The following RIMS4 variants were observed in gnomAD, a reference collection of about 807,000 sequenced individuals.
RIMS4 encodes the protein regulating synaptic membrane exocytosis 4, also known as regulating synaptic membrane exocytosis protein 4.
In RIMS4, 9 loss-of-function variants were observed where a neutral mutation model predicts 29.0. That is an observed-to-expected ratio of 0.31 (90% confidence interval 0.19 to 0.54). The LOEUF is 0.54. Ranked by LOEUF, RIMS4 falls within the 20% of genes least tolerant of loss-of-function variation. RIMS4 has a pLI of 0.94. For missense variants in RIMS4, 193 were observed against 365.7 expected (o/e 0.53, Z 3.85); for synonymous variants, 130 against 152.9 (o/e 0.85, Z 1.10).
At chr20:44,771,516 G>T in intron 1 of RIMS4, 103 bp from the exon 2 acceptor site, 1 of 1,327,858 alleles carries the variant, frequency 7.5e-7, no homozygotes, top group South Asian at 1.4e-5. Flanking sequence ...GCTGGGGGCT[G>T]TCCAGCTTCA....
intron 1 of RIMS4, among the ~76,000 whole-genome samples, chr20:44,796,132 C>T (rs2066253979): frequency 6.6e-6 from 1 of 151,824 alleles, no homozygotes; most frequent in East Asian, 1.9e-4. Context: ...GCTACTCACA[C>T]CTCAGGTCTC....
At chr20:44,805,779 G>A (rs973322425) in intron 1 of RIMS4, among the ~76,000 whole-genome samples, 9 of 152,174 alleles carry the variant, frequency 5.9e-5, no homozygotes, top group African/African-American at 2.2e-4. Context: ...AATAAAGGGG[G>A]AGGGGGAGAA....
chr20:44,771,448 G>A (rs1234767416), intron 1 of RIMS4, 35 bp from the exon 2 acceptor site: 1 of 1,591,334 alleles, frequency 6.3e-7, no homozygotes, highest in Non-Finnish European at 8.6e-7. Flanking sequence ...GATGGGAAGA[G>A]AGACACAGGT....
At position 44,793,492 on chromosome 20, in the gene RIMS4, C is replaced by T. The variant is rs118008067; in HGVS notation, c.97+16683G>A. ...CACTCTGCACATCTGTGCCGGCTGT[C>T]GCCTCCACAAACAGCACCTTCAGGG... is the stretch of plus-strand genomic sequence containing the variant. On this transcript the variant is annotated intron_variant, in intron 1 of 5. Coordinates refer to ENST00000372851, the MANE Select transcript of RIMS4 (RefSeq NM_182970.4). 3.3e-3 allele frequency among the ~76,000 whole-genome samples: 495 copies of T among 152,208 alleles called. 2 individuals are homozygous for T. The highest frequency in any genetic ancestry group is 5.6e-3 in the Non-Finnish European group (378 of 68,022).
At chr20:44,769,848 C>A (rs1258123513) in intron 2 of RIMS4, among the ~76,000 whole-genome samples, 1 of 152,204 alleles carries the variant, frequency 6.6e-6, no homozygotes, top group Non-Finnish European at 1.5e-5. Context: ...AAAGTGGAGG[C>A]CAAGCCCCAG....
intron 1 of RIMS4, among the ~76,000 whole-genome samples, chr20:44,773,088 C>G (rs557045854): frequency 6.6e-6 from 1 of 152,242 alleles, no homozygotes; most frequent in Non-Finnish European, 1.5e-5. Context: ...GCAACACACA[C>G]ACACAGTAAG....
chr20:44,761,641 T>A (rs2066085644), intron 2 of RIMS4, among the ~76,000 whole-genome samples: 1 of 152,044 alleles, frequency 6.6e-6, no homozygotes, highest in Non-Finnish European at 1.5e-5. Context: ...CGTTATTAGC[T>A]CCCCTCCCTT....
In RIMS4 at chr20:44,757,722, G is replaced by A. The variant is rs2066066865; in HGVS notation, c.399C>T (p.Asp133=). 6.2e-7 allele frequency: 1 copy of A among 1,614,096 alleles called. No homozygotes were observed. The highest frequency in any genetic ancestry group is 8.5e-7 in the Non-Finnish European group (1 of 1,180,018). The part of the protein sequence containing the change: ...LQERNGQLEV[D]IIQARGLTAK... ...CTGTCAGTCCCCGAGCCTGGATAAT[G>A]TCCACCTCCAACTGACCGTTCCGCT... The change falls in exon 4 of 6, where the codon GAC becomes GAT. Residue 133 remains aspartate (D), a synonymous_variant. Transcript: ENST00000372851.
chr20:44,757,903 CCCA>C (rs2066067668), intron 3 of RIMS4, 132 bp from the exon 4 acceptor site: 5 of 968,830 alleles, frequency 5.2e-6, no homozygotes, highest in Admixed American at 1.9e-5. Context: ...AGAACCAACT[CCCA>C]CCAAGTGCCT....
intron 2 of RIMS4, among the ~76,000 whole-genome samples, chr20:44,758,947 T>C (rs2066072669): frequency 6.6e-6 from 1 of 152,252 alleles, no homozygotes; most frequent in South Asian, 2.1e-4. Context: ...TGAAGCAAGC[T>C]ACTTCATCTT....
At chr20:44,786,086 C>T (rs2066207327) in intron 1 of RIMS4, among the ~76,000 whole-genome samples, 1 of 152,230 alleles carries the variant, frequency 6.6e-6, no homozygotes, top group Non-Finnish European at 1.5e-5. Context: ...CTTTAAGCTT[C>T]TGGCTTCTCA....
At position 44,782,652 on chromosome 20, in the gene RIMS4, G is replaced by A. The variant is rs185874184; in HGVS notation, c.98-11239C>T. Among the ~76,000 whole-genome samples the A allele has an allele frequency of 1.1e-4, 16 of 152,324 alleles. No individual in the cohort carries two copies. In the East Asian group the frequency reaches 2.5e-3, roughly 24 times the overall value. On this transcript the variant is annotated intron_variant, in intron 1 of 5. Transcript: ENST00000372851. Reference sequence around the variant, plus strand: ...TCTGGGACCCAGGGTGAAGGGGCAGGCCCTATCTGGGACAAGCTGGTCTCA... The same window carrying A: ...TCTGGGACCCAGGGTGAAGGGGCAGACCCTATCTGGGACAAGCTGGTCTCA...
In RIMS4 at chr20:44,764,151, TATCCATCC is replaced by T. The variant is rs376980648; in HGVS notation, c.237-5975_237-5968del. Reference sequence around the variant, plus strand: ...CCATCCATCCATTTATGCATCCATTTATCCATCCATCCATCCATCCATCCATCCATCCA... The same window carrying T: ...CCATCCATCCATTTATGCATCCATTTATCCATCCATCCATCCATCCATCCA... On this transcript the variant is annotated intron_variant, in intron 2 of 5. Transcript: ENST00000372851. 4.3e-3 allele frequency among the ~76,000 whole-genome samples: 177 copies of T among 40,756 alleles called. 8 individuals are homozygous for T. Among genetic ancestry groups the T allele is most frequent in the African/African-American group, 0.018 (157 of 8,544 alleles). The allele number at this position is 40,756 out of a possible 152,430, so 26.7% of individuals were successfully genotyped here.
chr20:44,771,912 C>T (rs1568898069), intron 1 of RIMS4, among the ~76,000 whole-genome samples: 1 of 152,200 alleles, frequency 6.6e-6, no homozygotes, highest in East Asian at 1.9e-4. Flanking sequence ...CACCCCACCC[C>T]GCTGCAGTCC....
At chr20:44,792,315 A>G (rs6103864) in intron 1 of RIMS4, among the ~76,000 whole-genome samples, 16,765 of 150,956 alleles carry the variant, frequency 0.11, 1,474 homozygotes, top group African/African-American at 0.24. Flanking sequence ...TTTTTGAGAC[A>G]GAGTTTCGCT....
Position 44,756,813 on chromosome 20 carries a change from C to G in RIMS4, c.591+85G>C. 7.1e-7 allele frequency: 1 copy of G among 1,401,842 alleles called. No individual in the cohort carries two copies. The allele number at this position is 1,401,842 out of a possible 1,614,324, so 86.8% of individuals were successfully genotyped here. ...GGCGAGGCCCTCCAGAGACACCCCC[C>G]GCCAGGGGTGCCCTCCTCTCATTCT... On this transcript the variant is annotated intron_variant, in intron 5 of 5. Coordinates refer to ENST00000372851, the MANE Select transcript of RIMS4 (RefSeq NM_182970.4). This position sits in a 1 kb window ranked among gnomAD's most constrained non-coding sequence, Gnocchi z 5.9.
chr20:44,773,498 C>CA (rs1235940283), intron 1 of RIMS4, among the ~76,000 whole-genome samples: 1 of 151,876 alleles, frequency 6.6e-6, no homozygotes, highest in African/African-American at 2.4e-5. Flanking sequence ...ACACCCCCCC[C>CA]ACACCCCACA....
intron 1 of RIMS4, among the ~76,000 whole-genome samples, chr20:44,803,966 C>T (rs979285908): frequency 6.6e-6 from 1 of 152,226 alleles, no homozygotes; most frequent in Non-Finnish European, 1.5e-5. Context: ...TTGTCACCTG[C>T]TGTTCTGACA....
chr20:44,757,947 T>C (rs571134860), intron 3 of RIMS4, 125 bp downstream of exon 3: 1 of 942,290 alleles, frequency 1.1e-6, no homozygotes, highest in South Asian at 1.5e-5. Context: ...GAGTGTGCCC[T>C]GGGCTCTAGG....
Sources: gnomAD v4.1 joint callset for allele counts (sites outside exome capture counted in the v4.1 genomes callset) on GRCh38, gnomAD v4.1.1 for gene constraint, Gnocchi (gnomAD v3.1) non-coding constraint, MANE v1.5 for transcripts, NCBI Gene and HGNC (gene_info 2026-07-23, HGNC 2026-07-21) for gene names.